The following WNK3 variants were observed in gnomAD, a reference collection of about 807,000 sequenced individuals.
WNK3 encodes the protein serine/threonine-protein kinase WNK3.
In WNK3, 18 loss-of-function variants were observed where a neutral mutation model predicts 116.7. The observed-to-expected ratio is 0.15, with a 90% CI of 0.11 to 0.23. The LOEUF (loss-of-function observed/expected upper bound fraction) is 0.23. Among genes scored for constraint, WNK3 ranks in the 10% least tolerant of loss-of-function variants. The pLI is 1.00. For missense variants in WNK3, 993 were observed against 1,323.8 expected (o/e 0.75, Z 3.88); for synonymous variants, 404 against 469.4 (o/e 0.86, Z 1.80).
intron 1 of WNK3, among the ~76,000 whole-genome samples, chrX:54,340,737 G>A (rs1374733140): frequency 8.9e-6 from 1 of 112,033 alleles, no homozygotes; most frequent in Non-Finnish European, 1.9e-5. Context: ...ATAAAAAGTT[G>A]TTCCACATCA....
At chrX:54,335,164 C>T (rs1273835937) in intron 1 of WNK3, among the ~76,000 whole-genome samples, 1 of 110,193 alleles carries the variant, frequency 9.1e-6, no homozygotes, top group African/African-American at 3.3e-5. Context: ...ACCCGGGAGG[C>T]TTAGGCAGGA....
In WNK3 at chrX:54,250,273, C is replaced by A. The variant is rs1159021666; in HGVS notation, c.2576-142G>T. On this transcript the variant is annotated intron_variant, in intron 15 of 23. Transcript: ENST00000354646. ...ACTAGAATATATGTAATTGATAAGA[C>A]CAGCCCTTTTAATACTGACAAAAAG... 7.1e-6 allele frequency: 4 copies of A among 566,873 alleles called. No individual in the cohort carries two copies. In the African/African-American group the frequency reaches 9.4e-5, roughly 13 times the overall value. 46.7% of individuals were successfully genotyped at this position (566,873 alleles called of 1,213,427 possible).
intron 2 of WNK3, among the ~76,000 whole-genome samples, chrX:54,319,266 G>A (rs982935938): frequency 2.7e-5 from 3 of 110,824 alleles, no homozygotes; most frequent in Non-Finnish European, 5.7e-5. Flanking sequence ...AGGTTCAAGC[G>A]ATCCTCCCAC....
chrX:54,303,790 T>C (rs1262820041), intron 5 of WNK3, among the ~76,000 whole-genome samples: 2 of 111,655 alleles, frequency 1.8e-5, no homozygotes, highest in African/African-American at 6.5e-5. Flanking sequence ...TTTTTAAAAA[T>C]TGACCTGTTA....
chrX:54,308,542 A>G lies in WNK3; in HGVS notation c.932-463T>C, dbSNP rs782572238. On this transcript the variant is annotated intron_variant, in intron 4 of 23. Transcript: ENST00000354646. ...AATATTTGCTATATCTACATAAAGC[A>G]CTGAAATAATTTATTTAATTTTCCA... Among the ~76,000 whole-genome samples the G allele has an allele frequency of 2.7e-3, 297 of 112,046 alleles. 3 individuals are homozygous for G. The highest frequency in any genetic ancestry group is 9.0e-3 in the African/African-American group (278 of 30,964).
At position 54,239,037 on chromosome X, in the gene WNK3, G is replaced by A. The variant is rs150600054; in HGVS notation, c.3714C>T (p.Ser1238=). 9.8e-5 allele frequency: 118 copies of A among 1,205,701 alleles called. No homozygotes were observed. The African/African-American group carries it at 1.7e-3, about 18-fold the overall frequency. The stretch of plus-strand genomic sequence containing the variant: ...CTGTCTGCAGATGAATGGCTCCACC[G>A]CTTGACACAGCAGCAGGATAGGCCT... The change falls in exon 18 of 24, where the codon AGC becomes AGT. Residue 1238 remains serine (S), a synonymous_variant. Coordinates refer to ENST00000354646, the Ensembl canonical transcript of WNK3.
intron 5 of WNK3, among the ~76,000 whole-genome samples, chrX:54,302,593 G>A (rs992403188): frequency 1.0e-4 from 11 of 108,101 alleles, no homozygotes; most frequent in Non-Finnish European, 1.3e-4. Flanking sequence ...AAGCCACTGC[G>A]CCCAGCCATA....
intron 16 of WNK3, 69 bp from the exon 17 acceptor site, chrX:54,249,703 C>A: frequency 1.0e-6 from 1 of 1,003,643 alleles, no homozygotes; most frequent in South Asian, 2.3e-5. Context: ...TACCCTAAGT[C>A]AAAAGGAACA....
At chrX:54,304,526 G>T (rs1430908199) in intron 5 of WNK3, among the ~76,000 whole-genome samples, 1 of 105,877 alleles carries the variant, frequency 9.4e-6, no homozygotes, top group Admixed American at 1.0e-4. Flanking sequence ...GGGTGACAGA[G>T]CAAACACTGT....
At chrX:54,346,605 CAAAAAAAAAAAAAAAA>C (rs57558276) in intron 1 of WNK3, among the ~76,000 whole-genome samples, 2 of 47,393 alleles carry the variant, frequency 4.2e-5, no homozygotes, top group African/African-American at 1.6e-4. Flanking sequence ...GACTCTGTCT[CAAAAAAAAAAAAAAAA>C]AAAAAGAACA....
At chrX:54,269,747 T>C (rs900295617) in intron 10 of WNK3, among the ~76,000 whole-genome samples, 13 of 110,640 alleles carry the variant, frequency 1.2e-4, no homozygotes, top group Admixed American at 2.9e-4. Flanking sequence ...AAACAAACTA[T>C]TGATACATGC....
intron 22 of WNK3, among the ~76,000 whole-genome samples, chrX:54,206,062 C>CA (rs2080608679): frequency 8.9e-6 from 1 of 111,805 alleles, no homozygotes; most frequent in Non-Finnish European, 1.9e-5. Context: ...CACAATCTCA[C>CA]AACCAATTCC....
At chrX:54,285,282 C>T (rs1448199539) in intron 10 of WNK3, among the ~76,000 whole-genome samples, 1 of 111,251 alleles carries the variant, frequency 9.0e-6, no homozygotes, top group Non-Finnish European at 1.9e-5. Flanking sequence ...GTGGTGCGCA[C>T]CTGTGGTCCC....
intron 2 of WNK3, among the ~76,000 whole-genome samples, chrX:54,326,093 ATTT>A (rs781887611): frequency 9.9e-6 from 1 of 100,752 alleles, no homozygotes. Flanking sequence ...TGTTTGTTTG[ATTT>A]TTTTTTTTTT....
At chrX:54,335,990 T>C (rs186121125) in intron 1 of WNK3, among the ~76,000 whole-genome samples, 11 of 112,395 alleles carry the variant, frequency 9.8e-5, no homozygotes, top group Admixed American at 2.8e-4. Flanking sequence ...TTATGGTTAA[T>C]TGATTTTCAA....
At chrX:54,274,408 T>A (rs1446837088) in intron 10 of WNK3, among the ~76,000 whole-genome samples, 1 of 111,554 alleles carries the variant, frequency 9.0e-6, no homozygotes, top group Non-Finnish European at 1.9e-5. Flanking sequence ...TAAATAGCAT[T>A]TATGGCCATA....
At chrX:54,228,086 GC>G (rs1204460462) in intron 22 of WNK3, among the ~76,000 whole-genome samples, 1 of 110,520 alleles carries the variant, frequency 9.0e-6, no homozygotes, top group African/African-American at 3.3e-5. Context: ...TCACTTTGTT[GC>G]CCAGGCTGGT....
At chrX:54,327,780 C>T (rs1557173720) in intron 2 of WNK3, among the ~76,000 whole-genome samples, 1 of 109,729 alleles carries the variant, frequency 9.1e-6, no homozygotes, top group East Asian at 2.9e-4. Context: ...CCAGCCTGGG[C>T]AACATGGCAA....
chrX:54,350,102 C>T (rs1265462690), intron 1 of WNK3, among the ~76,000 whole-genome samples: 3 of 111,386 alleles, frequency 2.7e-5, no homozygotes, highest in East Asian at 2.8e-4. Context: ...AAAATAAATT[C>T]CATGTGGACT....
Sources: allele counts gnomAD v4.1 joint callset (sites outside exome capture counted in the v4.1 genomes callset), GRCh38; gene constraint gnomAD v4.1.1; transcripts MANE v1.5; gene names NCBI Gene and HGNC (gene_info 2026-07-23, HGNC 2026-07-21).